The following CCSER1 variants were observed in gnomAD, a reference collection of about 807,000 sequenced individuals.
CCSER1 encodes the protein coiled-coil serine rich protein 1.
Under a neutral mutation model 82.0 loss-of-function variants are expected in CCSER1, and 41 were observed. That is an observed-to-expected ratio of 0.50 (90% CI 0.39 to 0.65). The LOEUF is 0.65. CCSER1 is among the 30% of genes least tolerant of loss of function. The pLI, the probability that CCSER1 is intolerant of heterozygous loss-of-function variation, is 0.00. For synonymous variants in CCSER1, 414 were observed against 383.9 expected, an observed-to-expected ratio of 1.08 and a Z score of -0.92; for missense variants, 1,119 against 1,064.2, an observed-to-expected ratio of 1.05 and a Z score of -0.72.
At chr4:90,325,567 A>G (rs558487378) in intron 3 of CCSER1, 2 of 380,910 alleles carry the variant, frequency 5.3e-6, no homozygotes, top group East Asian at 7.7e-5. Flanking sequence ...CAGCTTCCAT[A>G]GCATAAGAGA....
chr4:90,621,877 A>G (rs766898932), intron 5 of CCSER1, among the ~76,000 whole-genome samples: 3 of 152,218 alleles, frequency 2.0e-5, no homozygotes, highest in Non-Finnish European at 4.4e-5. Flanking sequence ...CTTTATCTGC[A>G]TAGGCGTAAA....
chr4:90,945,186 GT>G (rs1006448890), intron 9 of CCSER1, among the ~76,000 whole-genome samples: 9 of 151,714 alleles, frequency 5.9e-5, no homozygotes, highest in Non-Finnish European at 8.8e-5. Context: ...CTAATATTCA[GT>G]TTTTTTTCTG....
intron 10 of CCSER1, among the ~76,000 whole-genome samples, chr4:91,168,494 C>A (rs1168995397): frequency 7.9e-6 from 1 of 126,268 alleles, no homozygotes; most frequent in Non-Finnish European, 1.6e-5. Flanking sequence ...GTCTGGGAAG[C>A]AGGGAGTGCT....
At chr4:90,556,990 T>C (rs1027422413) in intron 5 of CCSER1, among the ~76,000 whole-genome samples, 4 of 151,856 alleles carry the variant, frequency 2.6e-5, no homozygotes, top group African/African-American at 9.7e-5. Context: ...TAACAACTTG[T>C]TTTTTTGATA....
intron 10 of CCSER1, among the ~76,000 whole-genome samples, chr4:91,098,397 C>T (rs1724718578): frequency 1.3e-5 from 2 of 152,138 alleles, no homozygotes; most frequent in Admixed American, 1.3e-4. Flanking sequence ...AGAATGATTT[C>T]AACTGGAACA....
At chr4:90,957,563 A>G (rs916730593) in intron 9 of CCSER1, among the ~76,000 whole-genome samples, 2 of 132,994 alleles carry the variant, frequency 1.5e-5, no homozygotes, top group African/African-American at 5.6e-5. Flanking sequence ...TATATATATT[A>G]TATAATTATA....
At chr4:91,332,814 T>C (rs562463595) in intron 10 of CCSER1, among the ~76,000 whole-genome samples, 20 of 152,162 alleles carry the variant, frequency 1.3e-4, no homozygotes, top group South Asian at 1.2e-3. Flanking sequence ...CTGAACCTAC[T>C]TTTTATATAA....
At chr4:90,669,721 C>T (rs1732451531) in intron 6 of CCSER1, among the ~76,000 whole-genome samples, 1 of 151,898 alleles carries the variant, frequency 6.6e-6, no homozygotes, top group African/African-American at 2.4e-5. Flanking sequence ...CTCTCTTCAA[C>T]CTTTTTAGTA....
At chr4:91,483,194 T>C (rs1384448858) in intron 10 of CCSER1, among the ~76,000 whole-genome samples, 2 of 152,094 alleles carry the variant, frequency 1.3e-5, no homozygotes, top group African/African-American at 4.8e-5. Context: ...TGTCATACTC[T>C]ATCTGATAAA....
chr4:91,544,536 C>G lies in CCSER1; in HGVS notation c.2218-54036C>G, dbSNP rs527816884. ...TGTTAGTTTTCCTTCTAACAGTCAG[C>G]ACCCTCAGCTGCAGGTCTGTTGGAG... is the stretch of plus-strand genomic sequence containing the variant. On this transcript the variant is annotated intron_variant, in intron 10 of 10. Transcript: ENST00000509176. 7.2e-5 allele frequency among the ~76,000 whole-genome samples: 11 copies of G among 152,294 alleles called. No individual in the cohort carries two copies. In the South Asian group the frequency reaches 2.3e-3, roughly 32 times the overall value.
chr4:90,666,975 G>T (rs762402934), intron 6 of CCSER1, among the ~76,000 whole-genome samples: 1 of 152,144 alleles, frequency 6.6e-6, no homozygotes, highest in Non-Finnish European at 1.5e-5. Flanking sequence ...TCTTGGAAAT[G>T]GATATATTTC....
intron 10 of CCSER1, among the ~76,000 whole-genome samples, chr4:91,512,092 G>A (rs1208798440): frequency 6.6e-6 from 1 of 152,122 alleles, no homozygotes; most frequent in Admixed American, 6.6e-5. Flanking sequence ...ATGTTTTGTA[G>A]TTCTCCTTGT....
chr4:90,594,080 A>G (rs1374188965), intron 5 of CCSER1, among the ~76,000 whole-genome samples: 1 of 151,974 alleles, frequency 6.6e-6, no homozygotes. Context: ...AAGTTATGCT[A>G]TGGGGATGTG....
intron 10 of CCSER1, among the ~76,000 whole-genome samples, chr4:91,225,407 A>G (rs1738121984): frequency 7.0e-6 from 1 of 143,432 alleles, no homozygotes; most frequent in Non-Finnish European, 1.5e-5. Context: ...CATATATATT[A>G]TATATATGAA....
At chr4:91,284,015 T>C (rs1743101296) in intron 10 of CCSER1, among the ~76,000 whole-genome samples, 1 of 152,110 alleles carries the variant, frequency 6.6e-6, no homozygotes, top group Non-Finnish European at 1.5e-5. Flanking sequence ...CTTTGCCTCT[T>C]CCTTATCTGT....
intron 4 of CCSER1, among the ~76,000 whole-genome samples, chr4:90,412,247 T>C (rs1754977329): frequency 7.2e-6 from 1 of 138,914 alleles, no homozygotes; most frequent in African/African-American, 2.7e-5. Context: ...TTCTCACTCA[T>C]AGGTGGGAAC....
At chr4:90,879,601 G>A in intron 8 of CCSER1, among the ~76,000 whole-genome samples, 1 of 107,890 alleles carries the variant, frequency 9.3e-6, no homozygotes, top group Non-Finnish European at 1.9e-5. Context: ...GGAGGAGGAG[G>A]AAGAAGAGGA....
chr4:90,466,499 A>G (rs28782772), intron 4 of CCSER1, among the ~76,000 whole-genome samples: 3,006 of 152,316 alleles, frequency 0.02, 89 homozygotes, highest in African/African-American at 0.068. Context: ...GAGACATTAG[A>G]TAAGAGCCCA....
intron 10 of CCSER1, among the ~76,000 whole-genome samples, chr4:91,306,059 T>TTGTGTGTGTGTG (rs70965483): frequency 5.5e-4 from 77 of 139,636 alleles, no homozygotes; most frequent in Admixed American, 1.4e-3. Flanking sequence ...ATCAGTGTGT[T>TTGTGTGTGTGTG]TGTGTGTGTG....
Sources: gnomAD v4.1 joint callset for allele counts (sites outside exome capture counted in the v4.1 genomes callset) on GRCh38, gnomAD v4.1.1 for gene constraint, MANE v1.5 for transcripts, NCBI Gene and HGNC (gene_info 2026-07-23, HGNC 2026-07-21) for gene names.